Variants in APP observed in about 807,000 individuals in gnomAD.
APP encodes amyloid-beta precursor protein.
A neutral mutation model predicts 101.4 loss-of-function variants in APP; 31 were observed. That is an observed-to-expected ratio of 0.31 (90% confidence interval 0.23 to 0.41). The LOEUF (loss-of-function observed/expected upper bound fraction) is 0.41, where lower values mean the gene tolerates loss of function less well. Among genes scored for constraint, APP ranks in the 10% least tolerant of loss-of-function variants. The pLI, the probability that APP is intolerant of heterozygous loss-of-function variation, is 1.00. For missense variants in APP, 839 were observed against 1,003.7 expected, an observed-to-expected ratio of 0.84 and a Z score of 2.22; for synonymous variants, 366 against 364.4, an observed-to-expected ratio of 1.00 and a Z score of -0.05.
intron 3 of APP, among the ~76,000 whole-genome samples, chr21:26,060,437 A>G (rs1294289285): frequency 6.6e-6 from 1 of 152,208 alleles, no homozygotes; most frequent in Middle Eastern, 3.2e-3. Context: ...TCTTGCAGCC[A>G]CTGTCCTTTA....
At chr21:26,108,645 T>A (rs2062239029) in intron 2 of APP, among the ~76,000 whole-genome samples, 1 of 152,128 alleles carries the variant, frequency 6.6e-6, no homozygotes. Flanking sequence ...CCCAGCACTC[T>A]GGGAGGCCGA....
At position 26,170,660 on chromosome 21, in the gene APP, G is replaced by A. The variant is rs1208880892; in HGVS notation, c.-40C>T. On this transcript the variant is annotated 5_prime_UTR_variant, in exon 1 of 18. Coordinates refer to ENST00000346798, the MANE Select transcript of APP (RefSeq NM_000484.4). ...GGGCACCGAGTGCGCTGCTGTGCGA[G>A]TGGGATCCGCCGCGTCCTTGCTCTG... 8 of 1,519,776 alleles carry A rather than the reference G, an allele frequency of 5.3e-6. No individual in the cohort carries two copies. Among genetic ancestry groups the A allele is most frequent in the East Asian group, 2.6e-5 (1 of 38,840 alleles). The allele number at this position is 1,519,776 out of a possible 1,614,324, so 94.1% of individuals were successfully genotyped here. A position where few individuals can be genotyped will look rare whatever the true frequency, so the allele number is the denominator to read the frequency against.
intron 1 of APP, among the ~76,000 whole-genome samples, chr21:26,117,273 A>G (rs1379739631): frequency 6.6e-6 from 1 of 152,244 alleles, no homozygotes; most frequent in Non-Finnish European, 1.5e-5. Flanking sequence ...TATACCCCAC[A>G]AGAGTGCTTT....
At chr21:26,085,950 T>C (rs1440652393) in intron 3 of APP, among the ~76,000 whole-genome samples, 1 of 152,250 alleles carries the variant, frequency 6.6e-6, no homozygotes, top group Non-Finnish European at 1.5e-5. Flanking sequence ...GGTAAAATTC[T>C]TTCACTTGTA....
intron 2 of APP, among the ~76,000 whole-genome samples, chr21:26,111,700 G>A (rs2062328459): frequency 6.6e-6 from 1 of 152,062 alleles, no homozygotes. Context: ...TCTTGCCACT[G>A]CACTCCAACC....
intron 13 of APP, among the ~76,000 whole-genome samples, chr21:25,949,076 C>T (rs564693192): frequency 1.1e-4 from 17 of 152,232 alleles, no homozygotes; most frequent in African/African-American, 3.6e-4. Context: ...TCTTCATAAT[C>T]TGCCTGAAAA....
At chr21:26,104,032 C>T (rs1389675300) in intron 2 of APP, among the ~76,000 whole-genome samples, 4 of 152,152 alleles carry the variant, frequency 2.6e-5, no homozygotes, top group South Asian at 4.1e-4. Context: ...CTGGTGAGGC[C>T]GCTCTTCCTT....
intron 8 of APP, among the ~76,000 whole-genome samples, chr21:25,991,642 T>C (rs1381581195): frequency 6.6e-6 from 1 of 152,254 alleles, no homozygotes; most frequent in Non-Finnish European, 1.5e-5. Flanking sequence ...CCTCCCAAAG[T>C]GCTGGGATTA....
chr21:26,055,976 A>G (rs115181021), intron 3 of APP, among the ~76,000 whole-genome samples: 1 of 152,342 alleles, frequency 6.6e-6, no homozygotes, highest in Non-Finnish European at 1.5e-5. Flanking sequence ...ATTATAATGC[A>G]AAGCTAAAGT....
chr21:26,033,352 G>A (rs568578210), intron 5 of APP, among the ~76,000 whole-genome samples: 10 of 152,318 alleles, frequency 6.6e-5, no homozygotes, highest in African/African-American at 1.9e-4. Context: ...TATGAAGAAG[G>A]ATGTGTTTGC....
intron 6 of APP, among the ~76,000 whole-genome samples, chr21:26,015,755 T>G (rs1298406666): frequency 6.6e-6 from 1 of 151,486 alleles, no homozygotes; most frequent in Non-Finnish European, 1.5e-5. Flanking sequence ...TAGAAAGAAC[T>G]TCACAGTCAC....
chr21:25,896,046 G>A (rs1433840269), intron 16 of APP, among the ~76,000 whole-genome samples: 1 of 152,142 alleles, frequency 6.6e-6, no homozygotes, highest in Non-Finnish European at 1.5e-5. Context: ...CCCGACAAAT[G>A]CAAATCTGTA....
At chr21:26,162,094 A>C (rs1235936074) in intron 1 of APP, among the ~76,000 whole-genome samples, 1 of 152,220 alleles carries the variant, frequency 6.6e-6, no homozygotes, top group Non-Finnish European at 1.5e-5. Context: ...TGGAAGGTCG[A>C]GGCAGGAGGA....
At chr21:25,901,078 G>C (rs2038435531) in intron 15 of APP, among the ~76,000 whole-genome samples, 1 of 151,582 alleles carries the variant, frequency 6.6e-6, no homozygotes, top group Non-Finnish European at 1.5e-5. Context: ...CGGGCAAACA[G>C]TTTGAACTCA....
chr21:26,092,306 C>A (rs1463507688), intron 2 of APP, among the ~76,000 whole-genome samples: 2 of 152,060 alleles, frequency 1.3e-5, no homozygotes, highest in Admixed American at 1.3e-4. Flanking sequence ...CTGTGGGGTA[C>A]ACACCTAGAA....
intron 13 of APP, among the ~76,000 whole-genome samples, chr21:25,915,361 T>C (rs953185783): frequency 2.0e-5 from 3 of 152,234 alleles, no homozygotes; most frequent in African/African-American, 7.2e-5. Flanking sequence ...ATTAATCTGA[T>C]GGGACAAGGA....
rs112827736 is a variant in APP, at chr21:26,039,126, T to C, written c.662+11874A>G. Among the ~76,000 whole-genome samples, 462 of 152,352 alleles carry C rather than the reference T, an allele frequency of 3.0e-3. 3 individuals are homozygous for C. The highest frequency in any genetic ancestry group is 0.01 in the African/African-American group (433 of 41,582). On this transcript the variant is annotated intron_variant, in intron 5 of 17. Coordinates refer to ENST00000346798, the MANE Select transcript of APP (RefSeq NM_000484.4). Reference sequence around the variant, plus strand: ...TTTAGGCAGGTTAGTTCTATCATCATGAAATCACTGTAAGTGCAATACTGC... The same window carrying C: ...TTTAGGCAGGTTAGTTCTATCATCACGAAATCACTGTAAGTGCAATACTGC...
chr21:26,135,224 G>T (rs888265027), intron 1 of APP, among the ~76,000 whole-genome samples: 1 of 152,142 alleles, frequency 6.6e-6, no homozygotes, highest in Non-Finnish European at 1.5e-5. Context: ...CTTATCAGAA[G>T]GTAAAGCTGG....
At chr21:26,030,260 G>T (rs1054758246) in intron 5 of APP, among the ~76,000 whole-genome samples, 1 of 152,364 alleles carries the variant, frequency 6.6e-6, no homozygotes, top group South Asian at 2.1e-4. Context: ...AATTAAGGAT[G>T]TAAGATGCTG....
Sources: gnomAD v4.1 joint callset for allele counts (sites outside exome capture counted in the v4.1 genomes callset) on GRCh38, gnomAD v4.1.1 for gene constraint, MANE v1.5 for transcripts, NCBI Gene and HGNC (gene_info 2026-07-23, HGNC 2026-07-21) for gene names.